MORC4: variants seen among roughly 807,000 people sequenced by gnomAD.
The protein encoded by MORC4 is MORC family CW-type zinc finger 4.
MORC4 carries 22 observed loss-of-function variants against 65.5 expected under a neutral mutation model. The observed-to-expected ratio is 0.34, with a 90% CI of 0.24 to 0.48. The LOEUF is 0.48. Ranked by LOEUF, MORC4 falls within the 20% of genes least tolerant of loss-of-function variation. MORC4 has a pLI of 0.99. For missense variants in MORC4, 624 were observed against 703.0 expected, an observed-to-expected ratio of 0.89 and a Z score of 1.27; for synonymous variants, 267 against 255.8, an observed-to-expected ratio of 1.04 and a Z score of -0.42.
intron 3 of MORC4, among the ~76,000 whole-genome samples, chrX:106,990,448 G>A (rs902736524): frequency 6.3e-5 from 7 of 110,980 alleles, no homozygotes; most frequent in African/African-American, 2.3e-4. Flanking sequence ...TGTAAGGATG[G>A]GGTCCCCCTG....
intron 7 of MORC4, among the ~76,000 whole-genome samples, 167 bp downstream of exon 7, chrX:106,980,724 A>G: frequency 8.9e-6 from 1 of 111,748 alleles, no homozygotes; most frequent in East Asian, 2.8e-4. Context: ...TGGTACACAG[A>G]TTGGCATTTA....
intron 14 of MORC4, among the ~76,000 whole-genome samples, chrX:106,947,745 C>T (rs1421593903): frequency 9.5e-6 from 1 of 104,779 alleles, no homozygotes; most frequent in African/African-American, 3.5e-5. Context: ...AAAGAGGGAC[C>T]TTTCATAATG....
chrX:106,954,816 T>C lies in MORC4; in HGVS notation c.1685+97A>G. ...TACTTCTGAATTCCATGCTAGGCCTTAGAAAAAACAGAAACAAGGTAAAAC... is the reference window on the plus strand; with the variant it reads ...TACTTCTGAATTCCATGCTAGGCCTCAGAAAAAACAGAAACAAGGTAAAAC... On this transcript the variant is annotated intron_variant, in intron 14 of 16. Coordinates refer to ENST00000355610, the MANE Select transcript of MORC4 (RefSeq NM_024657.5). 12 of 821,636 alleles carry C rather than the reference T, an allele frequency of 1.5e-5. 1 individual carries two copies. In the South Asian group the frequency reaches 2.8e-4, roughly 19 times the overall value. 67.7% of individuals were successfully genotyped at this position (821,636 alleles called of 1,213,427 possible). A position where few individuals can be genotyped will look rare whatever the true frequency, so the allele number is the denominator to read the frequency against.
chrX:106,998,741 G>A (rs973602823), intron 2 of MORC4, among the ~76,000 whole-genome samples: 7 of 111,725 alleles, frequency 6.3e-5, no homozygotes, highest in Non-Finnish European at 1.3e-4. Context: ...ATCATCAAAG[G>A]TCTCTATCAT....
intron 3 of MORC4, among the ~76,000 whole-genome samples, chrX:106,986,839 CA>C (rs1369624971): frequency 9.0e-6 from 1 of 111,640 alleles, no homozygotes; most frequent in African/African-American, 3.3e-5. Flanking sequence ...TGAATATCAG[CA>C]AACAGTTGCA....
At chrX:106,969,009 C>T (rs946020819) in intron 9 of MORC4, among the ~76,000 whole-genome samples, 1 of 111,903 alleles carries the variant, frequency 8.9e-6, no homozygotes, top group African/African-American at 3.3e-5. Context: ...CAGAACTCTC[C>T]ACCACGAATC....
intron 5 of MORC4, among the ~76,000 whole-genome samples, chrX:106,984,591 C>G (rs374719974): frequency 9.6e-6 from 1 of 104,000 alleles, no homozygotes; most frequent in African/African-American, 3.5e-5. Flanking sequence ...GCCTCAGCCT[C>G]CCAAGTAGCT....
chrX:106,945,605 T>C (rs1933808470), intron 14 of MORC4, among the ~76,000 whole-genome samples: 1 of 110,842 alleles, frequency 9.0e-6, no homozygotes, highest in African/African-American at 3.3e-5. Flanking sequence ...GGAAAATAAC[T>C]AGATTTTACT....
At chrX:106,966,204 T>C (rs1180165508) in intron 9 of MORC4, among the ~76,000 whole-genome samples, 1 of 112,350 alleles carries the variant, frequency 8.9e-6, no homozygotes, top group African/African-American at 3.2e-5. Flanking sequence ...AAGTATGCTC[T>C]AGAGAAAAAG....
In MORC4 at chrX:106,984,215, G is replaced by A. The variant is rs186745744; in HGVS notation, c.674+881C>T. ...GCATGAGAATCACTTGAACCCAGGA[G>A]GTGAAGGTTACAGTGAACCAAGTTT... On this transcript the variant is annotated intron_variant, in intron 5 of 16. Coordinates refer to ENST00000355610, the MANE Select transcript of MORC4 (RefSeq NM_024657.5). 3.0e-4 allele frequency among the ~76,000 whole-genome samples: 33 copies of A among 109,096 alleles called. No individual in the cohort carries two copies. The East Asian group carries it at 8.8e-3, about 29-fold the overall frequency. 94.7% of individuals were successfully genotyped at this position (109,096 alleles called of 115,157 possible). A position where few individuals can be genotyped will look rare whatever the true frequency, so the allele number is the denominator to read the frequency against.
chrX:106,999,351 T>A (rs1308134606), intron 2 of MORC4, among the ~76,000 whole-genome samples: 1 of 111,741 alleles, frequency 8.9e-6, no homozygotes, highest in East Asian at 2.8e-4. Context: ...CCCAGCTGCC[T>A]CAGGGCCCGA....
At position 106,942,127 on chromosome X, in the gene MORC4, C is replaced by A. The variant is rs1389902102; in HGVS notation, c.2471G>T (p.Gly824Val). 8.3e-7 allele frequency: 1 copy of A among 1,211,242 alleles called. No homozygotes were observed. Among genetic ancestry groups the A allele is most frequent in the Admixed American group, 2.2e-5 (1 of 45,954 alleles). Residue 824 changes from glycine to valine, a missense_variant, in exon 16 of 17, where the codon GGC becomes GTC. Gly to Val is a moderately radical substitution (Grantham distance 109, BLOSUM62 -3). Transcript: ENST00000355610. ...CATGTGTTTCTTGCTCCAGTACAAG[C>A]CTTCCGCCTCCTGGGTACTGTAGAT... ...LVIYSTQEAEGLYWSKKHMGY... is the reference protein window; with the variant it reads ...LVIYSTQEAEVLYWSKKHMGY...
chrX:106,987,443 T>A (rs953388057), intron 3 of MORC4, among the ~76,000 whole-genome samples: 2 of 112,104 alleles, frequency 1.8e-5, no homozygotes, highest in African/African-American at 6.5e-5. Flanking sequence ...CAATAAATAT[T>A]TAAACTAAGC....
At chrX:106,941,743 C>A (rs1476641614) in intron 16 of MORC4, 111 bp from the exon 17 acceptor site, 2 of 883,545 alleles carry the variant, frequency 2.3e-6, no homozygotes, top group Non-Finnish European at 3.1e-6. Flanking sequence ...GTTATGTTTT[C>A]ATTAGCTAGA....
At chrX:106,952,781 T>C (rs1027422421) in intron 14 of MORC4, among the ~76,000 whole-genome samples, 10 of 111,985 alleles carry the variant, frequency 8.9e-5, no homozygotes, top group Non-Finnish European at 1.7e-4. Context: ...AGGACCCTTA[T>C]CAGCTTCCTA....
chrX:106,970,167 T>A (rs1441184377), intron 9 of MORC4, among the ~76,000 whole-genome samples: 1 of 112,008 alleles, frequency 8.9e-6, no homozygotes, highest in African/African-American at 3.2e-5. Context: ...GCAAGGCTGG[T>A]TCAACATACA....
chrX:106,948,827 C>A (rs1190383576), intron 14 of MORC4, among the ~76,000 whole-genome samples: 4 of 111,345 alleles, frequency 3.6e-5, no homozygotes, highest in African/African-American at 1.3e-4. Context: ...TTCTCTTGTA[C>A]ATGATGAATC....
At chrX:106,963,259 T>C (rs989652433) in intron 9 of MORC4, among the ~76,000 whole-genome samples, 1 of 112,192 alleles carries the variant, frequency 8.9e-6, no homozygotes, top group African/African-American at 3.2e-5. Flanking sequence ...AGCTGTCTCC[T>C]TACATATACA....
intron 14 of MORC4, among the ~76,000 whole-genome samples, chrX:106,947,456 T>TCA: frequency 1.9e-5 from 2 of 104,240 alleles, no homozygotes; most frequent in Middle Eastern, 5.0e-3. Flanking sequence ...CTCCAACTAT[T>TCA]ATTGTTGAAT....
Sources: allele counts gnomAD v4.1 joint callset (sites outside exome capture counted in the v4.1 genomes callset), GRCh38; gene constraint gnomAD v4.1.1; transcripts MANE v1.5; gene names NCBI Gene and HGNC (gene_info 2026-07-23, HGNC 2026-07-21).